The following NAV1 variants were observed in gnomAD, a reference collection of about 807,000 sequenced individuals.
The protein encoded by NAV1 is neuron navigator 1.
Under a neutral mutation model 175.2 loss-of-function variants are expected in NAV1, and 18 were observed. The ratio of observed to expected loss-of-function variants is 0.10; its 90% CI spans 0.07 to 0.15. NAV1 has a LOEUF of 0.15. Ranked by LOEUF, NAV1 falls within the 10% of genes least tolerant of loss-of-function variation. The probability of loss-of-function intolerance (pLI) is 1.00; values close to 1 mark genes in which losing one functional copy is unlikely to be tolerated. For missense variants in NAV1, 1,731 were observed against 2,436.6 expected (o/e 0.71, Z 6.10); for synonymous variants, 897 against 978.7 (o/e 0.92, Z 1.56).
intron 3 of NAV1, among the ~76,000 whole-genome samples, chr1:201,763,023 C>T (rs1445739325): frequency 7.9e-5 from 12 of 152,150 alleles, no homozygotes; most frequent in Admixed American, 7.9e-4. Flanking sequence ...ATCCTACTGA[C>T]TATTCTTAGA....
intron 2 of NAV1, among the ~76,000 whole-genome samples, chr1:201,594,072 C>T (rs1571837113): frequency 7.1e-6 from 1 of 140,910 alleles, no homozygotes; most frequent in African/African-American, 2.6e-5. Context: ...GGGAGTGGCA[C>T]TTTTTTTTTT....
At chr1:201,619,510 C>T (rs144959832), upstream of NAV1, among the ~76,000 whole-genome samples, 6 of 152,376 alleles carry the variant, frequency 3.9e-5, no homozygotes, top group East Asian at 1.2e-3. Context: ...CTTTGGTCCT[C>T]ATTTTGCAGA....
intron 1 of NAV1, among the ~76,000 whole-genome samples, chr1:201,626,885 G>A (rs1345796468): frequency 2.6e-5 from 4 of 152,196 alleles, no homozygotes; most frequent in African/African-American, 9.6e-5. Flanking sequence ...AAGTGAGGGC[G>A]GACATGGAGG....
At chr1:201,826,455 C>A (rs1210895067) in exon 30 of NAV1, 2 of 152,216 alleles carry the variant, frequency 1.3e-5, no homozygotes, top group African/African-American at 2.4e-5. Flanking sequence ...TGAATTCCAA[C>A]CCCTGCTAGC....
chr1:201,679,163 G>C (rs1207663375), intron 1 of NAV1, among the ~76,000 whole-genome samples: 1 of 152,160 alleles, frequency 6.6e-6, no homozygotes, highest in Non-Finnish European at 1.5e-5. Context: ...TAAGGCAGAG[G>C]GAGGCCAGCT....
At chr1:201,747,472 A>C (rs1673844528) in intron 3 of NAV1, among the ~76,000 whole-genome samples, 1 of 152,146 alleles carries the variant, frequency 6.6e-6, no homozygotes, top group Admixed American at 6.5e-5. Context: ...CCTGAAGGAG[A>C]ACACATACTT....
chr1:201,801,119 C>T (rs1432384063), intron 15 of NAV1, among the ~76,000 whole-genome samples: 3 of 152,178 alleles, frequency 2.0e-5, no homozygotes, highest in South Asian at 2.1e-4. Context: ...TGAGCCACCA[C>T]ACCCAGCCTC....
intron 1 of NAV1, among the ~76,000 whole-genome samples, chr1:201,552,946 A>T (rs1405380250): frequency 1.3e-5 from 2 of 152,050 alleles, no homozygotes; most frequent in Non-Finnish European, 2.9e-5. Context: ...TCTAAGATAT[A>T]TGGTCCCTCA....
At chr1:201,643,552 C>G (rs1440323666), upstream of NAV1, among the ~76,000 whole-genome samples, 1 of 151,920 alleles carries the variant, frequency 6.6e-6, no homozygotes, top group African/African-American at 2.4e-5. Context: ...GCTGGAATTA[C>G]AGACATGTGC....
chr1:201,775,182 A>G (rs1315406942), intron 3 of NAV1, among the ~76,000 whole-genome samples: 1 of 152,158 alleles, frequency 6.6e-6, no homozygotes, highest in African/African-American at 2.4e-5. Context: ...GACTGGAGAC[A>G]TTTTCTGGAG....
chr1:201,553,157 G>C (rs534267241), intron 1 of NAV1, among the ~76,000 whole-genome samples: 1 of 152,218 alleles, frequency 6.6e-6, no homozygotes, highest in Non-Finnish European at 1.5e-5. Flanking sequence ...GATTTGAAAT[G>C]ATAAACTCGA....
intron 1 of NAV1, among the ~76,000 whole-genome samples, chr1:201,695,812 T>C (rs1225480949): frequency 6.6e-6 from 1 of 152,130 alleles, no homozygotes; most frequent in African/African-American, 2.4e-5. Flanking sequence ...CCCAGAGCAG[T>C]CCCAGGCCTG....
chr1:201,725,519 A>G (rs147744618), intron 3 of NAV1, among the ~76,000 whole-genome samples: 275 of 152,196 alleles, frequency 1.8e-3, no homozygotes, highest in African/African-American at 6.4e-3. Flanking sequence ...GTGCCTATGG[A>G]TAGTCTCAAC....
rs116945911 is a variant in NAV1, at chr1:201,678,624, G to C, written c.757+29199G>C. Among the ~76,000 whole-genome samples, 289 of 152,306 alleles carry C rather than the reference G, an allele frequency of 1.9e-3. 7 individuals carry two copies. In the East Asian group the frequency reaches 0.046, roughly 24 times the overall value. On this transcript the variant is annotated intron_variant, in intron 1 of 29. Transcript: ENST00000367296. The stretch of plus-strand genomic sequence containing the variant: ...AGAAAGGAGTGATAAAGGAGTAACT[G>C]TATCAGCAATTTTGTTTAGCTTTCT...
At chr1:201,551,374 G>C (rs1665849048) in intron 1 of NAV1, among the ~76,000 whole-genome samples, 1 of 152,110 alleles carries the variant, frequency 6.6e-6, no homozygotes, top group Admixed American at 6.6e-5. Context: ...GATTACAGGA[G>C]CACACCACCA....
At chr1:201,623,822 G>GTCA (rs1453265383) in intron 1 of NAV1, among the ~76,000 whole-genome samples, 1 of 152,210 alleles carries the variant, frequency 6.6e-6, no homozygotes, top group Non-Finnish European at 1.5e-5. Context: ...GCTGACTGAA[G>GTCA]CTCTGATCTT....
intron 3 of NAV1, among the ~76,000 whole-genome samples, chr1:201,774,214 G>A (rs1675785492): frequency 6.6e-6 from 1 of 152,184 alleles, no homozygotes; most frequent in African/African-American, 2.4e-5. Context: ...CTTAGAGTGA[G>A]CAAAGAAATT....
exon 1 of NAV1, chr1:201,622,953 T>C: frequency 1.0e-6 from 1 of 986,418 alleles, no homozygotes; most frequent in Non-Finnish European, 1.2e-6. Context: ...CGGTGCCTCG[T>C]GCCTCTTCCC....
At chr1:201,614,462 A>T (rs942238179) in intron 2 of NAV1, among the ~76,000 whole-genome samples, 3 of 152,154 alleles carry the variant, frequency 2.0e-5, no homozygotes, top group Non-Finnish European at 4.4e-5. Context: ...CAGACCGGGG[A>T]GAGAGGGACC....
Sources: allele counts gnomAD v4.1 joint callset (sites outside exome capture counted in the v4.1 genomes callset), GRCh38; gene constraint gnomAD v4.1.1; transcripts MANE v1.5; gene names NCBI Gene and HGNC (gene_info 2026-07-23, HGNC 2026-07-21).